CMTM7: variants seen among roughly 807,000 people sequenced by gnomAD.
CMTM7 encodes the protein CKLF-like MARVEL transmembrane domain-containing protein 7.
In CMTM7, 7 loss-of-function variants were observed where a neutral mutation model predicts 19.3. The observed-to-expected ratio is 0.36, with a 90% CI of 0.21 to 0.68. The LOEUF is 0.68. Among genes scored for constraint, CMTM7 ranks in the 30% least tolerant of loss-of-function variants. CMTM7 has a pLI of 0.60. For missense variants in CMTM7, 193 were observed against 232.6 expected (o/e 0.83, Z 1.11); for synonymous variants, 87 against 99.3 (o/e 0.88, Z 0.74).
chr3:32,435,377 C>A (rs561413253), intron 1 of CMTM7, among the ~76,000 whole-genome samples: 26 of 152,308 alleles, frequency 1.7e-4, no homozygotes, highest in Middle Eastern at 3.4e-3. Flanking sequence ...GCACTCCAGC[C>A]TGGGCGACTG....
intron 1 of CMTM7, among the ~76,000 whole-genome samples, chr3:32,405,961 C>T (rs1696085980): frequency 1.3e-5 from 2 of 152,128 alleles, no homozygotes; most frequent in African/African-American, 4.8e-5. Flanking sequence ...TCAGAATGTA[C>T]CAAAAGTCCC....
chr3:32,418,603 G>A (rs369211815), intron 1 of CMTM7, among the ~76,000 whole-genome samples: 2 of 152,152 alleles, frequency 1.3e-5, no homozygotes, highest in African/African-American at 2.4e-5. Context: ...GCCAGGGGTC[G>A]TTGTTTTATA....
At chr3:32,425,468 A>G (rs1399526246) in intron 1 of CMTM7, among the ~76,000 whole-genome samples, 1 of 148,556 alleles carries the variant, frequency 6.7e-6, no homozygotes, top group South Asian at 2.2e-4. Context: ...CTAGTTACCC[A>G]GGTCTTAGAA....
intron 1 of CMTM7, among the ~76,000 whole-genome samples, chr3:32,409,877 A>T: frequency 6.6e-6 from 1 of 152,354 alleles, no homozygotes; most frequent in Non-Finnish European, 1.5e-5. Flanking sequence ...GCTTTGCTGG[A>T]TGTCCTGTTC....
chr3:32,414,923 C>A (rs553343595), intron 1 of CMTM7, among the ~76,000 whole-genome samples: 2 of 152,226 alleles, frequency 1.3e-5, no homozygotes, highest in African/African-American at 4.8e-5. Flanking sequence ...GGTTACACAG[C>A]TAAGAGGCAA....
Position 32,440,070 on chromosome 3 carries a change from T to TACACACACACAC in CMTM7, c.160-1745_160-1734dup, listed in dbSNP as rs10526471. Reference sequence around the variant, plus strand: ...CACCCATACACTAACACCACACGCATACACACACACACACACACACACACA... The same window carrying TACACACACACAC: ...CACCCATACACTAACACCACACGCATACACACACACACACACACACACACACACACACACACA... On this transcript the variant is annotated intron_variant, in intron 1 of 4. Transcript: ENST00000334983. 1.1e-3 allele frequency among the ~76,000 whole-genome samples: 165 copies of TACACACACACAC among 150,178 alleles called. No homozygotes were observed. The East Asian group carries it at 0.018, about 17-fold the overall frequency.
At chr3:32,400,999 C>A (rs180835511) in intron 1 of CMTM7, among the ~76,000 whole-genome samples, 1 of 152,288 alleles carries the variant, frequency 6.6e-6, no homozygotes, top group Non-Finnish European at 1.5e-5. Context: ...ATTCTCTAGA[C>A]TTTTTAACAT....
intron 1 of CMTM7, among the ~76,000 whole-genome samples, chr3:32,426,730 C>T (rs1317802041): frequency 6.6e-6 from 1 of 152,144 alleles, no homozygotes; most frequent in Non-Finnish European, 1.5e-5. Context: ...TTTTATAACA[C>T]TGTCATGACT....
chr3:32,404,152 CTTTTTTTTTCTT>C (rs372894763), intron 1 of CMTM7, among the ~76,000 whole-genome samples: 40,216 of 131,750 alleles, frequency 0.31, 7,418 homozygotes, highest in South Asian at 0.43. Flanking sequence ...CTTTTTTTTT[CTTTTTTTTTCTT>C]TTTTTTTTTT....
chr3:32,406,231 A>G (rs1696089112), intron 1 of CMTM7, among the ~76,000 whole-genome samples: 1 of 152,170 alleles, frequency 6.6e-6, no homozygotes, highest in Admixed American at 6.5e-5. Context: ...GATTTACTAT[A>G]TTTATTTAAC....
Position 32,441,948 on chromosome 3 carries a change from G to A in CMTM7, c.268G>A (p.Ala90Thr), listed in dbSNP as rs377268191. 1.9e-4 allele frequency: 309 copies of A among 1,614,092 alleles called. 1 individual carries two copies. In the Middle Eastern group the frequency reaches 2.0e-3, roughly 10 times the overall value. ...CATTTGCGACTTGATAATGATCCTC[G>A]CCTTTTACCTGGTCCACCTCTTCCG... is the stretch of plus-strand genomic sequence containing the variant. ...VTICDLIMIL[A>T]FYLVHLFRFY... The change falls in exon 2 of 5, where the codon GCC becomes ACC. Residue 90 changes from alanine (A) to threonine (T), a missense_variant. Physicochemically the swap from Ala to Thr is moderately conservative, Grantham distance 58 (BLOSUM62 0). Transcript: ENST00000334983.
chr3:32,438,587 G>GCA (rs1005404215), intron 1 of CMTM7, among the ~76,000 whole-genome samples: 5 of 152,094 alleles, frequency 3.3e-5, no homozygotes, highest in African/African-American at 1.2e-4. Context: ...GCACGCATAA[G>GCA]CACACACCAT....
intron 1 of CMTM7, among the ~76,000 whole-genome samples, chr3:32,405,997 A>G (rs1287655855): frequency 6.6e-6 from 1 of 152,224 alleles, no homozygotes; most frequent in African/African-American, 2.4e-5. Context: ...CCTCTCTGGA[A>G]ATATACAGGA....
chr3:32,452,953 T>TA (rs1696859563), intron 4 of CMTM7, among the ~76,000 whole-genome samples: 1 of 64,560 alleles, frequency 1.5e-5, no homozygotes, highest in East Asian at 3.7e-4. Context: ...TTTTTTTTTT[T>TA]AGAGTTGGAG....
intron 1 of CMTM7, among the ~76,000 whole-genome samples, chr3:32,417,674 C>A (rs1696287559): frequency 6.6e-6 from 1 of 152,152 alleles, no homozygotes; most frequent in Non-Finnish European, 1.5e-5. Context: ...ATTTTGCATT[C>A]CCACAGCAGT....
intron 1 of CMTM7, among the ~76,000 whole-genome samples, chr3:32,438,228 C>T (rs983908788): frequency 2.0e-5 from 3 of 152,198 alleles, no homozygotes; most frequent in Non-Finnish European, 4.4e-5. Flanking sequence ...ATAAACACCC[C>T]AGCGCCTTTT....
intron 1 of CMTM7, among the ~76,000 whole-genome samples, chr3:32,405,885 A>G (rs1279974324): frequency 2.6e-5 from 4 of 152,364 alleles, no homozygotes; most frequent in Non-Finnish European, 5.9e-5. Flanking sequence ...GCAAACAGTA[A>G]CTATGGTTGT....
At chr3:32,429,446 A>C (rs1430484303) in intron 1 of CMTM7, among the ~76,000 whole-genome samples, 1 of 151,822 alleles carries the variant, frequency 6.6e-6, no homozygotes, top group Non-Finnish European at 1.5e-5. Flanking sequence ...GGCATGCGTC[A>C]CCATACCTAG....
At chr3:32,439,029 G>T (rs1220311024) in intron 1 of CMTM7, among the ~76,000 whole-genome samples, 2 of 152,184 alleles carry the variant, frequency 1.3e-5, no homozygotes. Flanking sequence ...GGAGGTCATT[G>T]TGGGGCTGGG....
Sources: gnomAD v4.1 joint callset for allele counts (sites outside exome capture counted in the v4.1 genomes callset) on GRCh38, gnomAD v4.1.1 for gene constraint, MANE v1.5 for transcripts, NCBI Gene and HGNC (gene_info 2026-07-23, HGNC 2026-07-21) for gene names.